ATP6V1B1: variants seen among roughly 807,000 people sequenced by gnomAD.
ATP6V1B1 encodes ATPase H+ transporting V1 subunit B1, also known as V-type proton ATPase subunit B, kidney isoform.
In ATP6V1B1, 41 loss-of-function variants were observed where a neutral mutation model predicts 62.1. The observed-to-expected ratio is 0.66, with a 90% confidence interval of 0.51 to 0.86. The LOEUF (loss-of-function observed/expected upper bound fraction) is 0.86, where lower values mean the gene tolerates loss of function less well. ATP6V1B1 is among the 40% of genes least tolerant of loss of function. The pLI is 0.00. For synonymous variants in ATP6V1B1, 253 were observed against 273.4 expected (o/e 0.93, Z 0.74); for missense variants, 651 against 697.5 (o/e 0.93, Z 0.75).
Position 70,964,981 on chromosome 2 carries a change from T to A in ATP6V1B1, c.1402T>A (p.Phe468Ile). 6.2e-7 allele frequency: 1 copy of A among 1,613,950 alleles called. No individual in the cohort carries two copies. The highest frequency in any genetic ancestry group is 8.5e-7 in the Non-Finnish European group (1 of 1,180,032). The stretch of plus-strand genomic sequence containing the variant: ...AGGCCCCTACGAGAACCGCTCGGTG[T>A]TCGAGTCGCTGGACCTGGGCTGGAA... The part of the protein sequence containing the change: ...NQGPYENRSV[F>I]ESLDLGWKLL... Residue 468 changes from phenylalanine to isoleucine, a missense_variant, in exon 14 of 14, where the codon TTC becomes ATC. Physicochemically the swap from Phe to Ile is conservative, Grantham distance 21. Transcript: ENST00000234396.
intron 2 of ATP6V1B1, chr2:70,944,137 G>C: frequency 1.6e-6 from 2 of 1,286,230 alleles, no homozygotes; most frequent in Middle Eastern, 2.1e-4. Flanking sequence ...CGGGAAAGAG[G>C]AGGAGGTGGC....
At chr2:70,937,703 G>A (rs564000298) in intron 1 of ATP6V1B1, among the ~76,000 whole-genome samples, 1 of 152,084 alleles carries the variant, frequency 6.6e-6, no homozygotes, top group South Asian at 2.1e-4. Context: ...TGAGTGTGGT[G>A]TGTGATCTGC....
intron 2 of ATP6V1B1, among the ~76,000 whole-genome samples, chr2:70,956,557 G>A (rs1180478382): frequency 1.8e-4 from 28 of 152,262 alleles, no homozygotes; most frequent in Non-Finnish European, 2.9e-5. Context: ...TCCCAGCACT[G>A]TATGAGCATT....
intron 1 of ATP6V1B1, chr2:70,940,819 T>TATGAGA (rs1553416286): frequency 5.1e-6 from 5 of 985,136 alleles, no homozygotes; most frequent in Non-Finnish European, 6.0e-6. Flanking sequence ...ATGTGGGAAG[T>TATGAGA]ATGAGAAGGA....
At chr2:70,952,320 G>C (rs531613183) in intron 2 of ATP6V1B1, among the ~76,000 whole-genome samples, 2 of 152,014 alleles carry the variant, frequency 1.3e-5, no homozygotes, top group Non-Finnish European at 2.9e-5. Context: ...AAAATCAGCC[G>C]GGCGTGATGG....
At chr2:70,962,639 G>A in intron 8 of ATP6V1B1, 138 bp from the exon 9 acceptor site, 1 of 1,407,836 alleles carries the variant, frequency 7.1e-7, no homozygotes, top group Non-Finnish European at 9.7e-7. Context: ...AGGGGATGGG[G>A]GCAAGGGCTC....
intron 2 of ATP6V1B1, among the ~76,000 whole-genome samples, chr2:70,951,854 G>A (rs1553418349): frequency 6.6e-6 from 1 of 151,532 alleles, no homozygotes; most frequent in African/African-American, 2.4e-5. Context: ...AGCCAAGATC[G>A]CACCATTGCA....
At chr2:70,960,360 C>A (rs571218545) in intron 6 of ATP6V1B1, among the ~76,000 whole-genome samples, 23 of 152,332 alleles carry the variant, frequency 1.5e-4, no homozygotes, top group Admixed American at 1.5e-3. Context: ...CTACCACCAT[C>A]CCTGCACTCA....
intron 2 of ATP6V1B1, among the ~76,000 whole-genome samples, chr2:70,949,910 G>A (rs1381549503): frequency 1.3e-5 from 2 of 152,160 alleles, no homozygotes; most frequent in African/African-American, 4.8e-5. Context: ...CTTGCTTAAA[G>A]ACATTGCTCA....
chr2:70,956,941 G>C (rs1242385358), intron 2 of ATP6V1B1, among the ~76,000 whole-genome samples: 4 of 151,988 alleles, frequency 2.6e-5, no homozygotes, highest in East Asian at 1.9e-4. Context: ...TCTCATTGTG[G>C]TTTTGATTTT....
chr2:70,959,203 A>T lies in ATP6V1B1; in HGVS notation c.445+108A>T, dbSNP rs1680520216. On this transcript the variant is annotated intron_variant, in intron 5 of 13. Transcript: ENST00000234396. The surrounding 1 kb of genome is among the most constrained non-coding windows in gnomAD (Gnocchi z 4.2). ...AGCAGATCAGATGTGATGGGAGAGC[A>T]GCAAAGGCCTCTCTATCCCCAAATC... 1 of 1,198,816 alleles carries T rather than the reference A, an allele frequency of 8.3e-7. No individual in the cohort carries two copies. The highest frequency in any genetic ancestry group is 1.2e-6 in the Non-Finnish European group (1 of 818,052). The allele number at this position is 1,198,816 out of a possible 1,614,324, so 74.3% of individuals were successfully genotyped here. A position where few individuals can be genotyped will look rare whatever the true frequency, so the allele number is the denominator to read the frequency against.
chr2:70,943,398 G>C lies in ATP6V1B1; in HGVS notation c.119-260G>C, dbSNP rs562153838. 4 of 590,118 alleles carry C rather than the reference G, an allele frequency of 6.8e-6. No individual in the cohort carries two copies. In the Admixed American group the frequency reaches 9.8e-5, roughly 14 times the overall value. The allele number at this position is 590,118 out of a possible 1,614,324, so 36.6% of individuals were successfully genotyped here. A position where few individuals can be genotyped will look rare whatever the true frequency, so the allele number is the denominator to read the frequency against. On this transcript the variant is annotated intron_variant, in intron 1 of 13. Transcript: ENST00000234396. ...GGGATGAGAGGCCTCTGTGTGGTGGGGGCGGACTCTGAGGAGGCCTCTGCC... is the reference window on the plus strand; with the variant it reads ...GGGATGAGAGGCCTCTGTGTGGTGGCGGCGGACTCTGAGGAGGCCTCTGCC...
In ATP6V1B1 at chr2:70,965,019, C is replaced by A; in HGVS notation, c.1440C>A (p.Ile480=). 6.2e-7 allele frequency: 1 copy of A among 1,613,820 alleles called. No homozygotes were observed. Among genetic ancestry groups the A allele is most frequent in the East Asian group, 2.2e-5 (1 of 44,880 alleles). The change falls in exon 14 of 14, where the codon ATC becomes ATA. Residue 480 remains isoleucine (I), a synonymous_variant. Transcript: ENST00000234396. ...ACCTGGGCTGGAAGCTGCTGCGCATCTTCCCCAAGGAGATGCTGAAGCGCA... is the reference window on the plus strand; with the variant it reads ...ACCTGGGCTGGAAGCTGCTGCGCATATTCCCCAAGGAGATGCTGAAGCGCA... The part of the protein sequence containing the change: ...SLDLGWKLLR[I]FPKEMLKRIP...
At chr2:70,945,715 T>TATAG (rs1230825285) in intron 2 of ATP6V1B1, among the ~76,000 whole-genome samples, 2 of 120,816 alleles carry the variant, frequency 1.7e-5, no homozygotes, top group African/African-American at 7.7e-5. Flanking sequence ...TATATATATA[T>TATAG]ATATATATAT....
At chr2:70,949,127 A>C (rs965826154) in intron 2 of ATP6V1B1, among the ~76,000 whole-genome samples, 1 of 152,208 alleles carries the variant, frequency 6.6e-6, no homozygotes, top group Non-Finnish European at 1.5e-5. Context: ...TAACCGCTTT[A>C]TTCTCAGCCC....
chr2:70,956,998 T>C (rs781875548), intron 2 of ATP6V1B1, among the ~76,000 whole-genome samples: 3 of 152,210 alleles, frequency 2.0e-5, no homozygotes, highest in Non-Finnish European at 4.4e-5. Context: ...CTTGTGGCTA[T>C]TGGCCATTTG....
chr2:70,940,573 T>G (rs1572905992), intron 1 of ATP6V1B1: 8 of 985,020 alleles, frequency 8.1e-6, no homozygotes, highest in Non-Finnish European at 9.6e-6. Context: ...CTGTTTGGAG[T>G]TTTTTTTAAT....
chr2:70,947,261 A>G (rs1227127049), intron 2 of ATP6V1B1, among the ~76,000 whole-genome samples: 1 of 152,204 alleles, frequency 6.6e-6, no homozygotes, highest in Non-Finnish European at 1.5e-5. Flanking sequence ...TGACCCAGAA[A>G]AGTCTAACTC....
intron 2 of ATP6V1B1, among the ~76,000 whole-genome samples, chr2:70,945,658 T>G (rs1680141062): frequency 7.0e-6 from 1 of 143,496 alleles, no homozygotes; most frequent in African/African-American, 2.5e-5. Context: ...CATCCTTTCT[T>G]TGTGTTGGGA....
Sources: gnomAD v4.1 joint callset for allele counts (sites outside exome capture counted in the v4.1 genomes callset) on GRCh38, gnomAD v4.1.1 for gene constraint, Gnocchi (gnomAD v3.1) non-coding constraint, MANE v1.5 for transcripts, NCBI Gene and HGNC (gene_info 2026-07-23, HGNC 2026-07-21) for gene names.